SLC30A5: variants seen among roughly 807,000 people sequenced by gnomAD.
SLC30A5 encodes solute carrier family 30 member 5, also known as proton-coupled zinc antiporter SLC30A5.
A neutral mutation model predicts 79.6 loss-of-function variants in SLC30A5; 33 were observed. The ratio of observed to expected loss-of-function variants is 0.41; its 90% CI spans 0.31 to 0.55. The LOEUF is 0.55. Ranked by LOEUF, SLC30A5 falls within the 20% of genes least tolerant of loss-of-function variation. The pLI is 0.20. For synonymous variants in SLC30A5, 299 were observed against 319.7 expected (o/e 0.94, Z 0.69); for missense variants, 788 against 928.1 (o/e 0.85, Z 1.96).
chr5:69,096,787 C>A (rs1745742878), intron 1 of SLC30A5, among the ~76,000 whole-genome samples: 1 of 152,000 alleles, frequency 6.6e-6, no homozygotes, highest in Non-Finnish European at 1.5e-5. Flanking sequence ...CACAGTGAGA[C>A]CCCTGTCTCT....
In SLC30A5 at chr5:69,128,005, T is replaced by C; in HGVS notation, c.2000T>C (p.Ile667Thr). The C allele has an allele frequency of 6.2e-7, 1 of 1,608,440 alleles. No homozygotes were observed. Among genetic ancestry groups the C allele is most frequent in the South Asian group, 1.1e-5 (1 of 90,798 alleles). Reference protein sequence around the residue: ...EKELHIALEKIQKIEGLISYR... With the variant: ...EKELHIALEKTQKIEGLISYR... Reference sequence around the variant, plus strand: ...TATATCACCTCTTTTATTTGACAGATACAGAAAATTGAAGGATTAATATCA... The same window carrying C: ...TATATCACCTCTTTTATTTGACAGACACAGAAAATTGAAGGATTAATATCA... The change falls in exon 15 of 16, where the codon ATA becomes ACA. Residue 667 changes from isoleucine to threonine, a missense_variant and splice_region_variant. Ile to Thr is a moderately conservative substitution (Grantham distance 89). This residue lies in a region of SLC30A5 where 158 missense variants were observed against 156.2 expected (regional missense o/e 1.01). Coordinates refer to ENST00000396591, the MANE Select transcript of SLC30A5 (RefSeq NM_022902.5).
chr5:69,106,008 G>T (rs1746071511), intron 4 of SLC30A5, among the ~76,000 whole-genome samples: 1 of 152,214 alleles, frequency 6.6e-6, no homozygotes, highest in Non-Finnish European at 1.5e-5. Flanking sequence ...GTGCCAAAAA[G>T]GTTGGGGACC....
chr5:69,095,218 T>TTTC (rs1745688331), intron 1 of SLC30A5, among the ~76,000 whole-genome samples: 1 of 113,834 alleles, frequency 8.8e-6, no homozygotes. Flanking sequence ...TTTTTTTTTT[T>TTTC]GAGACGGAGT....
intron 3 of SLC30A5, chr5:69,103,875 A>T: frequency 9.7e-7 from 1 of 1,028,410 alleles, no homozygotes; most frequent in Non-Finnish European, 1.4e-6. Flanking sequence ...AGACGAATTT[A>T]AGTACTTCTG....
In SLC30A5 at chr5:69,103,062, G is replaced by A. The variant is rs28450427; in HGVS notation, c.207G>A (p.Gly69=). Residue 69 remains glycine (G), a splice_region_variant and synonymous_variant, in exon 3 of 16, where the codon GGG becomes GGA. Transcript: ENST00000396591. The stretch of plus-strand genomic sequence containing the variant: ...TATATTAATGTTTCAATATTTACAG[G>A]ACTGCATTTTTTATGGTTTTGTTTC... ...IVQFIFILKL[G]TAFFMVLFQK... 1 of 1,485,728 alleles carries A rather than the reference G, an allele frequency of 6.7e-7. No individual in the cohort carries two copies. Among genetic ancestry groups the A allele is most frequent in the East Asian group, 2.3e-5 (1 of 44,022 alleles). The allele number at this position is 1,485,728 out of a possible 1,614,324, so 92.0% of individuals were successfully genotyped here.
chr5:69,104,300 G>A (rs1175326575), intron 3 of SLC30A5: 1 of 495,578 alleles, frequency 2.0e-6, no homozygotes, highest in Non-Finnish European at 3.1e-6. Flanking sequence ...ACCACACCCA[G>A]CTCATTTTTG....
At chr5:69,095,185 T>G (rs188344960) in intron 1 of SLC30A5, among the ~76,000 whole-genome samples, 1 of 151,114 alleles carries the variant, frequency 6.6e-6, no homozygotes, top group African/African-American at 2.4e-5. Context: ...AGTAATAGCA[T>G]TATAACGTAA....
rs145568710 is a variant in SLC30A5, at chr5:69,116,169, G to A, written c.1027G>A (p.Val343Ile). 44 of 1,613,958 alleles carry A rather than the reference G, an allele frequency of 2.7e-5. No individual in the cohort carries two copies. The highest frequency in any genetic ancestry group is 3.3e-5 in the Admixed American group (2 of 59,986). Residue 343 changes from valine (V) to isoleucine (I), a missense_variant, in exon 9 of 16, where the codon GTC (valine) becomes ATC (isoleucine). By Grantham distance (29) the Val-to-Ile change is conservative. Coordinates refer to ENST00000396591, the MANE Select transcript of SLC30A5 (RefSeq NM_022902.5). The surrounding 1 kb of genome is among the most constrained non-coding windows in gnomAD (Gnocchi z 4.0). ...KAAHQESTEH[V>I]LSGGVVVSAI... is the part of the protein sequence containing the mutation. ...AGCACACCAGGAGAGCACTGAACAC[G>A]TCCTGTCTGGAGGAGTGGTAGTGAG... is the stretch of plus-strand genomic sequence containing the variant.
chr5:69,125,539 C>CAA (rs1327986153), intron 14 of SLC30A5, among the ~76,000 whole-genome samples: 6 of 96,396 alleles, frequency 6.2e-5, no homozygotes, highest in Non-Finnish European at 1.1e-4. Flanking sequence ...TCCCCACACA[C>CAA]AAAAAAAAAA....
rs70989993 is a variant in SLC30A5, at chr5:69,127,473, CA to C, written c.1999-509del. Among the ~76,000 whole-genome samples, 478 of 77,878 alleles carry C rather than the reference CA, an allele frequency of 6.1e-3. 7 individuals carry two copies. The highest frequency in any genetic ancestry group is 0.014 in the African/African-American group (384 of 26,624). 51.1% of individuals were successfully genotyped at this position (77,878 alleles called of 152,430 possible). A position where few individuals can be genotyped will look rare whatever the true frequency, so the allele number is the denominator to read the frequency against. ...GTGAAACCCCATCTGTACTAAAATACAAAAAAAAAAAAAAAAAAAAAATTTA... is the reference window on the plus strand; with the variant it reads ...GTGAAACCCCATCTGTACTAAAATACAAAAAAAAAAAAAAAAAAAAATTTA... On this transcript the variant is annotated intron_variant, in intron 14 of 15. Transcript: ENST00000396591.
intron 5 of SLC30A5, among the ~76,000 whole-genome samples, chr5:69,108,821 CAAA>C (rs5868569): frequency 4.0e-5 from 4 of 99,052 alleles, no homozygotes; most frequent in Non-Finnish European, 4.1e-5. Context: ...GACTCAGCCT[CAAA>C]AAAAAAAAAA....
chr5:69,118,673 A>C (rs745639835), intron 12 of SLC30A5, 45 bp downstream of exon 12: 3 of 1,497,810 alleles, frequency 2.0e-6, no homozygotes, highest in Non-Finnish European at 2.7e-6. Flanking sequence ...TCATACTTAC[A>C]TAGTTTTTTC....
chr5:69,098,455 G>T (rs887669314), intron 1 of SLC30A5, among the ~76,000 whole-genome samples: 2 of 152,122 alleles, frequency 1.3e-5, no homozygotes, highest in Admixed American at 6.5e-5. Flanking sequence ...GAACCCGGGG[G>T]TTCAATCAAA....
chr5:69,097,865 A>G (rs569900557), intron 1 of SLC30A5, among the ~76,000 whole-genome samples: 2 of 152,260 alleles, frequency 1.3e-5, no homozygotes, highest in South Asian at 2.1e-4. Flanking sequence ...TAAAGTTCCA[A>G]TTAATGAACT....
rs1276298606 is a variant in SLC30A5 at position 69,123,417 on chromosome 5, T to G, written c.1990T>G (p.Leu664Val). 6.2e-7 allele frequency: 1 copy of G among 1,610,094 alleles called. No homozygotes were observed. The highest frequency in any genetic ancestry group is 2.2e-5 in the East Asian group (1 of 44,842). Residue 664 changes from leucine to valine, a missense_variant, in exon 14 of 16, where the codon TTA becomes GTA. Coordinates refer to ENST00000396591, the MANE Select transcript of SLC30A5 (RefSeq NM_022902.5). ...ATATGAAAAAGAACTACATATTGCTTTAGAAAAGGTACTGTATGTAATTTC... is the reference window on the plus strand; with the variant it reads ...ATATGAAAAAGAACTACATATTGCTGTAGAAAAGGTACTGTATGTAATTTC... ...PEYEKELHIA[L>V]EKIQKIEGLI...
rs70989993 is a variant in SLC30A5 at position 69,127,473 on chromosome 5, CAAAAAAAAAA to C, written c.1999-518_1999-509del. 7.2e-4 allele frequency among the ~76,000 whole-genome samples: 56 copies of C among 77,898 alleles called. 1 individual carries two copies. The highest frequency in any genetic ancestry group is 1.8e-3 in the African/African-American group (48 of 26,644). 51.1% of individuals were successfully genotyped at this position (77,898 alleles called of 152,430 possible). ...GTGAAACCCCATCTGTACTAAAATA[CAAAAAAAAAA>C]AAAAAAAAAAAATTTAGCCAGGCGT... On this transcript the variant is annotated intron_variant, in intron 14 of 15. Coordinates refer to ENST00000396591, the MANE Select transcript of SLC30A5 (RefSeq NM_022902.5).
chr5:69,101,632 A>G lies in SLC30A5; in HGVS notation c.206+703A>G, dbSNP rs566622689. On this transcript the variant is annotated intron_variant, in intron 2 of 15. Coordinates refer to ENST00000396591, the MANE Select transcript of SLC30A5 (RefSeq NM_022902.5). The stretch of plus-strand genomic sequence containing the variant: ...TTGGACCTTGAGATTGATAGTGACC[A>G]CCCTCTGTGTTAATAAAAACCTGTT... Among the ~76,000 whole-genome samples the G allele has an allele frequency of 2.0e-5, 3 of 150,558 alleles. No individual in the cohort carries two copies. The South Asian group carries it at 6.4e-4, about 32-fold the overall frequency.
At chr5:69,101,077 TTAAGA>T in intron 2 of SLC30A5, 148 bp downstream of exon 2, 2 of 731,030 alleles carry the variant, frequency 2.7e-6, no homozygotes, top group Non-Finnish European at 4.1e-6. Context: ...GGGAGTATAC[TTAAGA>T]TTAGAGGTAC....
rs763500129 is a variant in SLC30A5 at position 69,123,209 on chromosome 5, A to C, written c.1782A>C (p.Leu594=). ...ATATTTTATTTGTAGGTGTATTTCT[A>C]CATGTTTTGGCAGATACACTTGGCA... ...GMNANMRGVF[L]HVLADTLGSI... is the part of the protein sequence containing the mutation. Residue 594 remains leucine, a synonymous_variant, in exon 14 of 16, where the codon CTA becomes CTC. Transcript: ENST00000396591. 1 of 1,596,600 alleles carries C rather than the reference A, an allele frequency of 6.3e-7. No individual in the cohort carries two copies.
Sources: gnomAD v4.1 joint callset for allele counts (sites outside exome capture counted in the v4.1 genomes callset) on GRCh38, gnomAD v4.1.1 for gene constraint, gnomAD v4.1.1 regional missense constraint, Gnocchi (gnomAD v3.1) non-coding constraint, MANE v1.5 for transcripts, NCBI Gene and HGNC (gene_info 2026-07-23, HGNC 2026-07-21) for gene names.